Variants in UNC13C observed in about 807,000 individuals in gnomAD.
The protein encoded by UNC13C is protein unc-13 homolog C.
Under a neutral mutation model 245.4 loss-of-function variants are expected in UNC13C, and 174 were observed. That is an observed-to-expected ratio of 0.71 (90% CI 0.63 to 0.80). UNC13C has a LOEUF of 0.80. UNC13C is among the 30% of genes least tolerant of loss of function. The pLI is 0.00. For missense variants in UNC13C, 2,829 were observed against 2,602.9 expected, an observed-to-expected ratio of 1.09 and a Z score of -1.89; for synonymous variants, 992 against 895.1, an observed-to-expected ratio of 1.11 and a Z score of -1.93.
chr15:54,237,748 A>G, intron 7 of UNC13C, 58 bp downstream of exon 7: 5 of 1,367,844 alleles, frequency 3.7e-6, no homozygotes, highest in Non-Finnish European at 5.1e-6. Context: ...ATCACAAGGG[A>G]GAAACTGTTC....
chr15:53,924,224 A>G, the UNC13C span, among the ~76,000 whole-genome samples: 7 of 145,514 alleles, frequency 4.8e-5, no homozygotes, highest in Admixed American at 4.8e-4. Context: ...CAAAACAAAC[A>G]AACAAAAAAC....
At chr15:54,416,823 C>T (rs2040532051) in intron 19 of UNC13C, 4 of 442,094 alleles carry the variant, frequency 9.0e-6, no homozygotes, top group Non-Finnish European at 1.4e-5. Flanking sequence ...TTGGTGCCAC[C>T]ATTTATGCAG....
intron 5 of UNC13C, among the ~76,000 whole-genome samples, 158 bp downstream of exon 5, chr15:54,235,266 C>G (rs961356009): frequency 2.0e-5 from 3 of 151,962 alleles, no homozygotes; most frequent in Non-Finnish European, 4.4e-5. Context: ...ATTATTATTT[C>G]TTTAAAATCT....
intron 17 of UNC13C, among the ~76,000 whole-genome samples, chr15:54,363,793 G>A (rs897770026): frequency 2.6e-5 from 4 of 152,078 alleles, no homozygotes; most frequent in African/African-American, 9.7e-5. Flanking sequence ...ATATGCCCTA[G>A]CTTTTTGATG....
In UNC13C at chr15:54,552,322, TATA is replaced by T. The variant is rs572940130; in HGVS notation, c.5877+2634_5877+2636del. 0.011 allele frequency among the ~76,000 whole-genome samples: 1,306 copies of T among 124,216 alleles called. 36 individuals are homozygous for T. In the East Asian group the frequency reaches 0.11, roughly 10 times the overall value. The allele number at this position is 124,216 out of a possible 152,430, so 81.5% of individuals were successfully genotyped here. A position where few individuals can be genotyped will look rare whatever the true frequency, so the allele number is the denominator to read the frequency against. On this transcript the variant is annotated intron_variant, in intron 28 of 32. Coordinates refer to ENST00000260323, the MANE Select transcript of UNC13C (RefSeq NM_001080534.3). ...ATATTGTACAATATATAATGTAATATATAATTATATATTATATACAATTATATT... is the reference window on the plus strand; with the variant it reads ...ATATTGTACAATATATAATGTAATATATTATATATTATATACAATTATATT...
At chr15:54,612,097 A>C (rs953802854) in intron 30 of UNC13C, among the ~76,000 whole-genome samples, 2 of 152,092 alleles carry the variant, frequency 1.3e-5, no homozygotes, top group Non-Finnish European at 2.9e-5. Flanking sequence ...ATAGTTTCAT[A>C]ATTGAAATTA....
intron 14 of UNC13C, among the ~76,000 whole-genome samples, chr15:54,323,436 G>T (rs1424119657): frequency 2.6e-5 from 4 of 152,028 alleles, no homozygotes; most frequent in Non-Finnish European, 5.9e-5. Context: ...AGTCGTCTAA[G>T]CCTCAGTTCC....
At chr15:54,603,144 C>T (rs965225149) in intron 30 of UNC13C, among the ~76,000 whole-genome samples, 7 of 152,160 alleles carry the variant, frequency 4.6e-5, no homozygotes, top group Non-Finnish European at 7.3e-5. Context: ...ACCTTGACAC[C>T]TGTCTCATGG....
intron 1 of UNC13C, among the ~76,000 whole-genome samples, chr15:53,997,404 T>G (rs1322536322): frequency 6.6e-6 from 1 of 152,202 alleles, no homozygotes; most frequent in Admixed American, 6.5e-5. Context: ...TTTTTAATTT[T>G]GATGAATTCC....
intron 13 of UNC13C, among the ~76,000 whole-genome samples, chr15:54,307,422 A>G (rs1252179412): frequency 6.6e-6 from 1 of 151,946 alleles, no homozygotes; most frequent in East Asian, 1.9e-4. Context: ...CAGCCTCACC[A>G]CTTAATACTA....
At chr15:54,093,318 G>C (rs950655844) in intron 2 of UNC13C, among the ~76,000 whole-genome samples, 2 of 151,906 alleles carry the variant, frequency 1.3e-5, no homozygotes, top group African/African-American at 4.8e-5. Flanking sequence ...TTAACTTTTT[G>C]CTTTTCTCAG....
At chr15:54,335,514 C>G (rs981874699) in intron 16 of UNC13C, among the ~76,000 whole-genome samples, 3 of 152,232 alleles carry the variant, frequency 2.0e-5, no homozygotes, top group Non-Finnish European at 4.4e-5. Flanking sequence ...CAGAACAGTT[C>G]CATGAGCCTA....
At chr15:53,977,242 G>A (rs1893739074), upstream of UNC13C, among the ~76,000 whole-genome samples, 2 of 152,182 alleles carry the variant, frequency 1.3e-5, no homozygotes, top group Non-Finnish European at 2.9e-5. Context: ...CATATATATT[G>A]TGTCACATTT....
chr15:54,307,747 T>C (rs1482177522), intron 13 of UNC13C, among the ~76,000 whole-genome samples: 1 of 151,906 alleles, frequency 6.6e-6, no homozygotes, highest in Non-Finnish European at 1.5e-5. Context: ...TATTTTCCAG[T>C]CACACACCAT....
At position 54,180,800 on chromosome 15, in the gene UNC13C, A is replaced by G. The variant is rs2033773110; in HGVS notation, c.3071+37116A>G. ...TTGGACACTGGTATGTCTTTTGAGA[A>G]TGGTCTGCTCGTATCTTTGGTCCAT... On this transcript the variant is annotated intron_variant, in intron 4 of 32. Coordinates refer to ENST00000260323, the MANE Select transcript of UNC13C (RefSeq NM_001080534.3). 4.1e-5 allele frequency among the ~76,000 whole-genome samples: 6 copies of G among 147,980 alleles called. No individual in the cohort carries two copies. The South Asian group carries it at 1.3e-3, about 31-fold the overall frequency.
chr15:54,602,517 C>A (rs982170943), intron 30 of UNC13C, among the ~76,000 whole-genome samples: 1 of 152,122 alleles, frequency 6.6e-6, no homozygotes, highest in Non-Finnish European at 1.5e-5. Context: ...TTTAAATATT[C>A]TATTTTCATT....
chr15:53,892,090 G>C, the UNC13C span, among the ~76,000 whole-genome samples: 1 of 152,146 alleles, frequency 6.6e-6, no homozygotes, highest in African/African-American at 2.4e-5. Flanking sequence ...AAATCTCTCA[G>C]CATTTGCTTG....
chr15:54,050,731 T>C (rs1897240369), intron 2 of UNC13C: 1 of 571,774 alleles, frequency 1.7e-6, no homozygotes, highest in Non-Finnish European at 3.5e-6. Context: ...GCTTTACTAT[T>C]TGAGTTGTTC....
intron 17 of UNC13C, among the ~76,000 whole-genome samples, chr15:54,357,837 A>G (rs972397216): frequency 5.9e-5 from 9 of 151,992 alleles, no homozygotes; most frequent in African/African-American, 2.2e-4. Context: ...TATATGAGAA[A>G]AAACACACAC....
Sources: gnomAD v4.1 joint callset for allele counts (sites outside exome capture counted in the v4.1 genomes callset) on GRCh38, gnomAD v4.1.1 for gene constraint, MANE v1.5 for transcripts, NCBI Gene and HGNC (gene_info 2026-07-23, HGNC 2026-07-21) for gene names.